ELP3: variants seen among roughly 807,000 people sequenced by gnomAD.
ELP3 encodes the protein elongator complex protein 3.
Under a neutral mutation model 74.9 loss-of-function variants are expected in ELP3, and 56 were observed. The ratio of observed to expected loss-of-function variants is 0.75; its 90% CI spans 0.60 to 0.93. The LOEUF (loss-of-function observed/expected upper bound fraction) is 0.93, where lower values mean the gene tolerates loss of function less well. Among genes scored for constraint, ELP3 ranks in the 40% least tolerant of loss-of-function variants. The probability of loss-of-function intolerance (pLI) is 0.00; values close to 1 mark genes in which losing one functional copy is unlikely to be tolerated. For missense variants in ELP3, 573 were observed against 686.5 expected, an observed-to-expected ratio of 0.83 and a Z score of 1.85; for synonymous variants, 222 against 239.8, an observed-to-expected ratio of 0.93 and a Z score of 0.68.
At chr8:28,132,811 T>G (rs1480680819) in intron 9 of ELP3, among the ~76,000 whole-genome samples, 1 of 152,216 alleles carries the variant, frequency 6.6e-6, no homozygotes, top group African/African-American at 2.4e-5. Context: ...TGTCATACCT[T>G]GCTTAAACCC....
intron 7 of ELP3, among the ~76,000 whole-genome samples, chr8:28,127,478 G>A (rs1044839445): frequency 6.6e-6 from 1 of 151,802 alleles, no homozygotes; most frequent in African/African-American, 2.4e-5. Context: ...GCTTTCTGGG[G>A]TTTTTTGGTA....
At chr8:28,168,287 TAGTGATACTGATTTGG>T (rs2130572056) in intron 14 of ELP3, among the ~76,000 whole-genome samples, 1 of 152,362 alleles carries the variant, frequency 6.6e-6, no homozygotes, top group Admixed American at 6.5e-5. Flanking sequence ...AGCCAGAAGC[TAGTGATACTGATTTGG>T]AGTGGCTGAT....
intron 3 of ELP3, among the ~76,000 whole-genome samples, chr8:28,100,586 C>T (rs968399937): frequency 6.6e-6 from 1 of 152,188 alleles, no homozygotes; most frequent in Non-Finnish European, 1.5e-5. Context: ...TAGGACTGTG[C>T]GTTGAACAGG....
intron 13 of ELP3, among the ~76,000 whole-genome samples, chr8:28,160,755 C>T (rs1056971853): frequency 2.0e-5 from 3 of 150,426 alleles, no homozygotes; most frequent in South Asian, 2.1e-4. Context: ...AGTGCAGTGG[C>T]GTGATCTTGG....
At chr8:28,090,987 A>G (rs1487669878), upstream of ELP3, among the ~76,000 whole-genome samples, 1 of 149,248 alleles carries the variant, frequency 6.7e-6, no homozygotes, top group Non-Finnish European at 1.5e-5. Flanking sequence ...GCTCACTGCA[A>G]GCTCTGCCTC....
chr8:28,110,671 T>A (rs990083071), intron 6 of ELP3: 1 of 391,122 alleles, frequency 2.6e-6, no homozygotes, highest in African/African-American at 2.1e-5. Flanking sequence ...TTCTCTAAGT[T>A]TTTTTGAATT....
In ELP3 at chr8:28,189,781, A is replaced by G. The variant is rs1815386170; in HGVS notation, c.*56A>G. ...CCTCCCTGGCAGAACACGGAGAATC[A>G]GGATTTCTTAAATACTCAACAGAGA... is the stretch of plus-strand genomic sequence containing the variant. On this transcript the variant is annotated 3_prime_UTR_variant, in exon 15 of 15. Transcript: ENST00000256398. 1.3e-6 allele frequency: 2 copies of G among 1,561,216 alleles called. No individual in the cohort carries two copies. Among genetic ancestry groups the G allele is most frequent in the African/African-American group, 2.7e-5 (2 of 73,754 alleles).
chr8:28,176,429 TC>T (rs2130594986), intron 14 of ELP3, among the ~76,000 whole-genome samples: 2 of 152,300 alleles, frequency 1.3e-5, no homozygotes, highest in East Asian at 3.9e-4. Context: ...CCACTCCAGT[TC>T]CAGCCAGCTG....
chr8:28,161,908 C>T (rs1814107644), intron 13 of ELP3, 89 bp from the exon 14 acceptor site: 5 of 1,311,154 alleles, frequency 3.8e-6, no homozygotes, highest in Non-Finnish European at 5.4e-6. Flanking sequence ...TTAGCAACTA[C>T]TAAAGTATAT....
At chr8:28,117,288 A>T (rs1812177522) in intron 7 of ELP3, among the ~76,000 whole-genome samples, 1 of 152,136 alleles carries the variant, frequency 6.6e-6, no homozygotes, top group Non-Finnish European at 1.5e-5. Context: ...TTGAAAGTAA[A>T]AATTTTGTTT....
intron 7 of ELP3, among the ~76,000 whole-genome samples, chr8:28,120,051 AG>A (rs2130426871): frequency 6.6e-6 from 1 of 152,300 alleles, no homozygotes; most frequent in Non-Finnish European, 1.5e-5. Context: ...ATAAAACTTC[AG>A]CGTACGTTCT....
intron 9 of ELP3, among the ~76,000 whole-genome samples, chr8:28,134,147 C>T (rs756762189): frequency 3.9e-5 from 6 of 152,246 alleles, no homozygotes; most frequent in Admixed American, 6.5e-5. Flanking sequence ...ATGTTCCCCA[C>T]CCTGTGTCCC....
At chr8:28,113,333 C>A (rs78680889) in intron 7 of ELP3, among the ~76,000 whole-genome samples, 160 bp downstream of exon 7, 2 of 152,074 alleles carry the variant, frequency 1.3e-5, no homozygotes, top group Admixed American at 1.3e-4. Context: ...ATAATGCTTT[C>A]GCTGAAATAA....
At chr8:28,142,085 G>C (rs995905231) in intron 10 of ELP3, among the ~76,000 whole-genome samples, 1 of 152,116 alleles carries the variant, frequency 6.6e-6, no homozygotes, top group Non-Finnish European at 1.5e-5. Flanking sequence ...ACCACTATGC[G>C]ACATTATCCT....
intron 4 of ELP3, among the ~76,000 whole-genome samples, chr8:28,107,054 C>T (rs1216583811): frequency 6.6e-6 from 1 of 152,122 alleles, no homozygotes; most frequent in Non-Finnish European, 1.5e-5. Context: ...TTAAGACGAG[C>T]CTGGCCAGCA....
intron 2 of ELP3, among the ~76,000 whole-genome samples, chr8:28,099,445 A>G (rs905956650): frequency 7.2e-5 from 11 of 152,318 alleles, no homozygotes; most frequent in African/African-American, 2.2e-4. Context: ...ACATCCCTCA[A>G]TTCGCTGGCC....
At position 28,129,529 on chromosome 8, in the gene ELP3, T is replaced by C. The variant is rs1198996661; in HGVS notation, c.645T>C (p.Cys215=). ...ATTCTGAGAGAAGCCTCACAAAGTG[T>C]ATTGGAATTACTATTGAAACCAGAC... is the stretch of plus-strand genomic sequence containing the variant. ...VKYSERSLTK[C]IGITIETRPD... is the part of the protein sequence containing the mutation. The change falls in exon 8 of 15, where the codon TGT becomes TGC. Residue 215 remains cysteine, a synonymous_variant. Coordinates refer to ENST00000256398, the MANE Select transcript of ELP3 (RefSeq NM_018091.6). The C allele has an allele frequency of 6.2e-7, 1 of 1,614,066 alleles. No individual in the cohort carries two copies.
rs140917806 is a variant in ELP3 at position 28,117,657 on chromosome 8, A to G, written c.617+4484A>G. Among the ~76,000 whole-genome samples, 4 of 152,248 alleles carry G rather than the reference A, an allele frequency of 2.6e-5. No homozygotes were observed. The East Asian group carries it at 7.7e-4, about 29-fold the overall frequency. Reference sequence around the variant, plus strand: ...AGCCATAAAACCATCCATAAATTACACTGAATTCTGCCAACACACACTTTA... The same window carrying G: ...AGCCATAAAACCATCCATAAATTACGCTGAATTCTGCCAACACACACTTTA... On this transcript the variant is annotated intron_variant, in intron 7 of 14. Coordinates refer to ENST00000256398, the MANE Select transcript of ELP3 (RefSeq NM_018091.6).
intron 7 of ELP3, among the ~76,000 whole-genome samples, chr8:28,115,107 G>A (rs545621670): frequency 1.3e-5 from 2 of 152,266 alleles, no homozygotes; most frequent in South Asian, 2.1e-4. Flanking sequence ...GAAAGATAGC[G>A]GGAAGAGCAG....
Sources: allele counts gnomAD v4.1 joint callset (sites outside exome capture counted in the v4.1 genomes callset), GRCh38; gene constraint gnomAD v4.1.1; transcripts MANE v1.5; gene names NCBI Gene and HGNC (gene_info 2026-07-23, HGNC 2026-07-21).